Variants in SAMD11 observed in about 807,000 individuals in gnomAD.
SAMD11 encodes sterile alpha motif domain containing 11.
Under a neutral mutation model 64.4 loss-of-function variants are expected in SAMD11, and 77 were observed. The ratio of observed to expected loss-of-function variants is 1.20; its 90% confidence interval spans 0.99 to 1.44. SAMD11 has a LOEUF of 1.44. Ranked by LOEUF, SAMD11 falls within the 40% of genes most tolerant of loss-of-function variation. The probability of loss-of-function intolerance (pLI) is 0.00; values close to 1 mark genes in which losing one functional copy is unlikely to be tolerated. For synonymous variants in SAMD11, 658 were observed against 421.9 expected (o/e 1.56, Z -6.86); for missense variants, 1,402 against 943.3 (o/e 1.49, Z -6.37).
rs972451643 is a variant in SAMD11, at chr1:943,480, C to T, written c.2178+103C>T. Reference sequence around the variant, plus strand: ...TAGGGCCATTCCCCAACGCCCTCTCCCTCCCCAAAAGCAGTGCGCAGCAGG... The same window carrying T: ...TAGGGCCATTCCCCAACGCCCTCTCTCTCCCCAAAAGCAGTGCGCAGCAGG... On this transcript the variant is annotated intron_variant, in intron 12 of 13. Coordinates refer to ENST00000616016, the MANE Select transcript of SAMD11 (RefSeq NM_001385641.1). 33 of 1,127,234 alleles carry T rather than the reference C, an allele frequency of 2.9e-5. No homozygotes were observed. The Middle Eastern group carries it at 1.2e-3, about 40-fold the overall frequency. The allele number at this position is 1,127,234 out of a possible 1,614,324, so 69.8% of individuals were successfully genotyped here. A position where few individuals can be genotyped will look rare whatever the true frequency, so the allele number is the denominator to read the frequency against.
intron 2 of SAMD11, among the ~76,000 whole-genome samples, chr1:926,553 T>C (rs1640900559): frequency 6.6e-6 from 1 of 152,142 alleles, no homozygotes; most frequent in Non-Finnish European, 1.5e-5. Context: ...GGGCAGAGTC[T>C]TTGCAGTGTG....
Position 930,427 on chromosome 1 carries a change from C to A in SAMD11, c.791+91C>A, listed in dbSNP as rs1225476759. 2.7e-5 allele frequency: 36 copies of A among 1,340,506 alleles called. 1 individual carries two copies. The highest frequency in any genetic ancestry group is 3.5e-5 in the Non-Finnish European group (35 of 988,248). 83.0% of individuals were successfully genotyped at this position (1,340,506 alleles called of 1,614,324 possible). On this transcript the variant is annotated intron_variant, in intron 3 of 13. Coordinates refer to ENST00000616016, the MANE Select transcript of SAMD11 (RefSeq NM_001385641.1). ...GCTGCTCAGATGAGAGTGTCCACAC[C>A]GGCCTCCCACACCTTCCCTCAGATG...
Position 941,310 on chromosome 1 carries a change from C to G in SAMD11, c.1358+4C>G, listed in dbSNP as rs766328011. 2 of 1,556,164 alleles carry G rather than the reference C, an allele frequency of 1.3e-6. No individual in the cohort carries two copies. Among genetic ancestry groups the G allele is most frequent in the East Asian group, 2.3e-5 (1 of 43,358 alleles). ...CCGCCCCGTCCTTCTCGGAGAGGTA[C>G]TGGGGTGGCTGCCGTTCTCTGCTTG... On this transcript the variant is annotated splice_donor_region_variant and intron_variant, in intron 8 of 13. Coordinates refer to ENST00000616016, the MANE Select transcript of SAMD11 (RefSeq NM_001385641.1).
Position 935,837 on chromosome 1 carries a change from A to G in SAMD11, c.908A>G (p.Glu303Gly). Residue 303 changes from glutamate (E) to glycine (G), a missense_variant, in exon 5 of 14, where the codon GAG (glutamate) becomes GGG (glycine). By Grantham distance (98) the Glu-to-Gly change is moderately conservative. Coordinates refer to ENST00000616016, the MANE Select transcript of SAMD11 (RefSeq NM_001385641.1). Reference protein sequence around the residue: ...VHRSRHLVMPEHQSRCEFQRG... With the variant: ...VHRSRHLVMPGHQSRCEFQRG... ...CGCAGCCGCCACCTCGTTATGCCCG[A>G]GCATCAGAGCCGCTGTGAATTCCAG... 5.0e-6 allele frequency: 8 copies of G among 1,613,324 alleles called. No individual in the cohort carries two copies. The highest frequency in any genetic ancestry group is 1.7e-4 in the Middle Eastern group (1 of 6,056).
Position 942,539 on chromosome 1 carries a change from C to G in SAMD11, c.1554-20C>G. ...CGCGCGGCCCGGGAGGCGGCTGACC[C>G]GCGTCTGCCCCCGGCCCAGGCTGGA... On this transcript the variant is annotated intron_variant, in intron 10 of 13. Coordinates refer to ENST00000616016, the MANE Select transcript of SAMD11 (RefSeq NM_001385641.1). 5.0e-6 allele frequency: 7 copies of G among 1,406,974 alleles called. No homozygotes were observed. Among genetic ancestry groups the G allele is most frequent in the Non-Finnish European group, 6.4e-6 (7 of 1,089,676 alleles). 87.2% of individuals were successfully genotyped at this position (1,406,974 alleles called of 1,614,324 possible).
At chr1:927,594 C>A (rs964995457) in intron 2 of SAMD11, among the ~76,000 whole-genome samples, 1 of 152,230 alleles carries the variant, frequency 6.6e-6, no homozygotes, top group African/African-American at 2.4e-5. Context: ...ATGTTTCTTA[C>A]TCAGAGGCTG....
At position 930,225 on chromosome 1, in the gene SAMD11, C is replaced by G; in HGVS notation, c.680C>G (p.Thr227Ser). The change falls in exon 3 of 14, where the codon ACT becomes AGT. Residue 227 changes from threonine to serine, a missense_variant. Physicochemically the swap from Thr to Ser is moderately conservative, Grantham distance 58. Transcript: ENST00000616016. ...PAARNLKKERTPSFSASDGDS... is the reference protein window; with the variant it reads ...PAARNLKKERSPSFSASDGDS... ...GCCCGGAACCTGAAGAAGGAGCGAA[C>G]TCCCAGCTTCTCTGCCAGCGATGGT... 6.3e-7 allele frequency: 1 copy of G among 1,591,314 alleles called. No homozygotes were observed. Among genetic ancestry groups the G allele is most frequent in the Non-Finnish European group, 8.6e-7 (1 of 1,169,290 alleles).
intron 1 of SAMD11, 77 bp from the exon 2 acceptor site, chr1:925,845 G>A (rs541594627): frequency 2.0e-6 from 2 of 1,018,860 alleles, no homozygotes; most frequent in Admixed American, 1.7e-5. Context: ...AGCCGGGGAG[G>A]GGGTACTGGC....
At chr1:930,921 C>A in intron 3 of SAMD11, 118 bp from the exon 4 acceptor site, 1 of 1,001,750 alleles carries the variant, frequency 1.0e-6, no homozygotes, top group Non-Finnish European at 1.6e-6. Context: ...CGTTCACTGC[C>A]CAGGGCTGTG....
At chr1:938,649 A>G (rs183336104) in intron 5 of SAMD11, among the ~76,000 whole-genome samples, 1 of 152,076 alleles carries the variant, frequency 6.6e-6, no homozygotes, top group Non-Finnish European at 1.5e-5. Context: ...GACCCTGCAC[A>G]GCCCGCCCTC....
chr1:935,763 G>A lies in SAMD11; in HGVS notation c.843-9G>A, dbSNP rs371466225. ...CACGGGGTCAGCTTTTCCCGGTCTC[G>A]TTCTGCAGCCAGGACGGCAACCTTC... is the stretch of plus-strand genomic sequence containing the variant. On this transcript the variant is annotated splice_polypyrimidine_tract_variant and intron_variant, in intron 4 of 13. Transcript: ENST00000616016. The A allele has an allele frequency of 3.7e-5, 59 of 1,613,226 alleles. No individual in the cohort carries two copies. In the East Asian group the frequency reaches 4.0e-4, roughly 11 times the overall value.
rs1641114721 is a variant in SAMD11 at position 930,374 on chromosome 1, C to T, written c.791+38C>T. 3 of 1,558,160 alleles carry T rather than the reference C, an allele frequency of 1.9e-6. No homozygotes were observed. In the East Asian group the frequency reaches 7.1e-5, roughly 37 times the overall value. On this transcript the variant is annotated intron_variant, in intron 3 of 13. Transcript: ENST00000616016. ...GGGCCGGACAGGAAGGCGCAAGGCT[C>T]AGATGGGGCTGGAGCTTCAGGCCTT...
At position 943,311 on chromosome 1, in the gene SAMD11, C is replaced by G; in HGVS notation, c.2112C>G (p.Thr704=). The change falls in exon 12 of 14, where the codon ACC becomes ACG. Residue 704 remains threonine, a synonymous_variant. Coordinates refer to ENST00000616016, the MANE Select transcript of SAMD11 (RefSeq NM_001385641.1). ...GEEAPAPEDV[T]KWTVDDVCSF... ...AGGCCCCAGCCCCTGAGGACGTCACCAAGTGGACCGTGGATGACGTCTGCA... is the reference window on the plus strand; with the variant it reads ...AGGCCCCAGCCCCTGAGGACGTCACGAAGTGGACCGTGGATGACGTCTGCA... 2 of 1,611,916 alleles carry G rather than the reference C, an allele frequency of 1.2e-6. No homozygotes were observed. The highest frequency in any genetic ancestry group is 1.7e-4 in the Middle Eastern group (1 of 6,034).
At chr1:935,183 C>T (rs1569886390) in intron 4 of SAMD11, among the ~76,000 whole-genome samples, 1 of 152,092 alleles carries the variant, frequency 6.6e-6, no homozygotes, top group African/African-American at 2.4e-5. Flanking sequence ...GATTCCAAGC[C>T]CCCGCCTGCC....
intron 2 of SAMD11, among the ~76,000 whole-genome samples, chr1:928,861 C>T (rs74047404): frequency 0.039 from 5,960 of 152,296 alleles, 362 homozygotes; most frequent in African/African-American, 0.13. Flanking sequence ...GGCACTGGGG[C>T]TGTGCATTTG....
intron 2 of SAMD11, among the ~76,000 whole-genome samples, chr1:928,254 T>C (rs1044892747): frequency 3.3e-5 from 5 of 152,004 alleles, no homozygotes; most frequent in South Asian, 4.2e-4. Flanking sequence ...TAGCCGGGCG[T>C]GGTGGCGGGT....
At chr1:939,539 C>T (rs1641637793) in intron 7 of SAMD11, 127 bp downstream of exon 7, 9 of 1,519,770 alleles carry the variant, frequency 5.9e-6, no homozygotes, top group South Asian at 2.5e-5. Context: ...TGCTGAGGCC[C>T]TGCTGACACC....
At chr1:941,413 T>A in intron 8 of SAMD11, 107 bp downstream of exon 8, 1 of 1,175,140 alleles carries the variant, frequency 8.5e-7, no homozygotes, top group Non-Finnish European at 1.2e-6. Context: ...TGTGTTCAGC[T>A]CTAGGTTCGG....
At chr1:943,673 G>A (rs1470745034) in intron 12 of SAMD11, 25 bp from the exon 13 acceptor site, 2 of 1,528,762 alleles carry the variant, frequency 1.3e-6, no homozygotes, top group Non-Finnish European at 1.8e-6. Context: ...CCCGGGTCCT[G>A]ACCCTCCCTC....
Sources: gnomAD v4.1 joint callset for allele counts (sites outside exome capture counted in the v4.1 genomes callset) on GRCh38, gnomAD v4.1.1 for gene constraint, MANE v1.5 for transcripts, NCBI Gene and HGNC (gene_info 2026-07-23, HGNC 2026-07-21) for gene names.